The following ELFN2 variants were observed in gnomAD, a reference collection of about 807,000 sequenced individuals.
ELFN2 encodes the protein extracellular leucine rich repeat and fibronectin type III domain containing 2, also known as protein phosphatase 1 regulatory subunit 29.
A neutral mutation model predicts 45.5 loss-of-function variants in ELFN2; 17 were observed. The ratio of observed to expected loss-of-function variants is 0.37; its 90% CI spans 0.26 to 0.56. The LOEUF (loss-of-function observed/expected upper bound fraction) is 0.56, where lower values mean the gene tolerates loss of function less well. Ranked by LOEUF, ELFN2 falls within the 20% of genes least tolerant of loss-of-function variation. The pLI, the probability that ELFN2 is intolerant of heterozygous loss-of-function variation, is 0.77. For missense variants in ELFN2, 922 were observed against 1,183.2 expected, an observed-to-expected ratio of 0.78 and a Z score of 3.24; for synonymous variants, 550 against 551.5, an observed-to-expected ratio of 1.00 and a Z score of 0.04.
chr22:37,391,809 G>T (rs1932093338), intron 2 of ELFN2, among the ~76,000 whole-genome samples: 1 of 152,192 alleles, frequency 6.6e-6, no homozygotes, highest in Non-Finnish European at 1.5e-5. Flanking sequence ...CCAGCCCCAG[G>T]CCTGGCAAAT....
In ELFN2 at chr22:37,422,657, A is replaced by G. The variant is rs914741020; in HGVS notation, c.-614+4641T>C. ...CACCCAGGCTGGAGTGCAGTAGCACAATCTCGGCTCACTGCAACCTGGGCC... is the reference window on the plus strand; with the variant it reads ...CACCCAGGCTGGAGTGCAGTAGCACGATCTCGGCTCACTGCAACCTGGGCC... On this transcript the variant is annotated intron_variant, in intron 1 of 2. Coordinates refer to ENST00000402918, the MANE Select transcript of ELFN2 (RefSeq NM_052906.5). Among the ~76,000 whole-genome samples, 4 of 152,204 alleles carry G rather than the reference A, an allele frequency of 2.6e-5. No individual in the cohort carries two copies. The East Asian group carries it at 7.7e-4, about 29-fold the overall frequency.
At chr22:37,341,267 G>T (rs1357168556) in intron 2 of ELFN2, among the ~76,000 whole-genome samples, 1 of 152,156 alleles carries the variant, frequency 6.6e-6, no homozygotes, top group East Asian at 1.9e-4. Context: ...GAGCTGAAGG[G>T]GTTCAGTCCC....
chr22:37,367,625 G>A (rs1183738504), downstream of ELFN2, among the ~76,000 whole-genome samples: 5 of 152,226 alleles, frequency 3.3e-5, no homozygotes, highest in Non-Finnish European at 7.3e-5. Context: ...CTGAATCCCG[G>A]GTGTGGGAGG....
rs1345702315 is a variant in ELFN2 at position 37,423,812 on chromosome 22, C to T, written c.-614+3486G>A. ...GTCCTCAGGGCTTCTCTGGGGCTTT[C>T]CTGGGGACTGTCGGCAGAGCTAGGG... is the stretch of plus-strand genomic sequence containing the variant. On this transcript the variant is annotated intron_variant, in intron 1 of 2. Coordinates refer to ENST00000402918, the MANE Select transcript of ELFN2 (RefSeq NM_052906.5). 8.5e-5 allele frequency among the ~76,000 whole-genome samples: 13 copies of T among 152,218 alleles called. No individual in the cohort carries two copies. The South Asian group carries it at 1.2e-3, about 15-fold the overall frequency.
At chr22:37,341,116 C>T (rs1358131858) in intron 2 of ELFN2, 1 of 152,474 alleles carries the variant, frequency 6.6e-6, no homozygotes, top group Non-Finnish European at 1.5e-5. Flanking sequence ...GGGGCACCCA[C>T]CGACCTCACC....
chr22:37,425,592 T>C (rs1022732621), intron 1 of ELFN2, among the ~76,000 whole-genome samples: 1 of 152,012 alleles, frequency 6.6e-6, no homozygotes, highest in Non-Finnish European at 1.5e-5. Context: ...CTGGAGCTTA[T>C]GTCACACCTG....
Position 37,375,546 on chromosome 22 carries a change from C to T in ELFN2, c.-12G>A, listed in dbSNP as rs752854913. 30 of 1,534,122 alleles carry T rather than the reference C, an allele frequency of 2.0e-5. No individual in the cohort carries two copies. The highest frequency in any genetic ancestry group is 9.6e-5 in the African/African-American group (7 of 72,660). On this transcript the variant is annotated 5_prime_UTR_variant, in exon 3 of 3. Coordinates refer to ENST00000402918, the MANE Select transcript of ELFN2 (RefSeq NM_052906.5). ...CCCAGGCGCAGCATGGCGCTGGCCT[C>T]GGAGTGAGGGGCCAGGGCAAGGCAG...
chr22:37,360,883 C>T (rs944243964), intron 1 of ELFN2, among the ~76,000 whole-genome samples: 4 of 152,200 alleles, frequency 2.6e-5, no homozygotes, highest in Non-Finnish European at 5.9e-5. Context: ...GCCCAGAAGC[C>T]TCACTGCAGT....
intron 2 of ELFN2, among the ~76,000 whole-genome samples, chr22:37,393,937 A>G (rs1031507161): frequency 1.3e-5 from 2 of 152,170 alleles, no homozygotes; most frequent in East Asian, 1.9e-4. Flanking sequence ...GCTAAGGAGC[A>G]CTGCAAATGA....
chr22:37,381,758 C>T (rs1931777750), intron 2 of ELFN2, among the ~76,000 whole-genome samples: 1 of 151,956 alleles, frequency 6.6e-6, no homozygotes, highest in South Asian at 2.1e-4. Flanking sequence ...AGCGGGTTCT[C>T]AGGACATGCT....
Position 37,373,176 on chromosome 22 carries a change from C to T in ELFN2, c.2359G>A (p.Ala787Thr). The T allele has an allele frequency of 6.2e-7, 1 of 1,613,816 alleles. No individual in the cohort carries two copies. Among genetic ancestry groups the T allele is most frequent in the Middle Eastern group, 1.6e-4 (1 of 6,062 alleles). Residue 787 changes from alanine (A) to threonine (T), a missense_variant, in exon 3 of 3, where the codon GCC (alanine) becomes ACC (threonine). Coordinates refer to ENST00000402918, the MANE Select transcript of ELFN2 (RefSeq NM_052906.5). ...TTCTTGCGCAGGGCGTGACCGGCGG[C>T]CATGTACACCTCCTCCCGGTGGTGC... ...KKHHREEVYM[A>T]AGHALRKKVQ...
chr22:37,425,569 C>T (rs749944985), intron 1 of ELFN2, among the ~76,000 whole-genome samples: 17 of 144,052 alleles, frequency 1.2e-4, no homozygotes, highest in African/African-American at 3.9e-4. Flanking sequence ...GTCCCAGTGA[C>T]GTCACCTGCG....
At chr22:37,404,105 T>C (rs763082980) in intron 2 of ELFN2, among the ~76,000 whole-genome samples, 2 of 152,120 alleles carry the variant, frequency 1.3e-5, no homozygotes, top group Non-Finnish European at 2.9e-5. Context: ...GAGATCAAGA[T>C]AAATGGAACA....
At chr22:37,405,089 C>CTTTTTTTTTTTTTTTTTTTTTTTTTTTTT (rs1491573989) in intron 2 of ELFN2, among the ~76,000 whole-genome samples, 1 of 121,534 alleles carries the variant, frequency 8.2e-6, no homozygotes, top group Non-Finnish European at 1.6e-5. Context: ...TGAACCTCAG[C>CTTTTTTTTTTTTTTTTTTTTTTTTTTTTT]ATTTTTTTTT....
chr22:37,355,286 C>T (rs1930921329), intron 1 of ELFN2, among the ~76,000 whole-genome samples: 1 of 152,222 alleles, frequency 6.6e-6, no homozygotes, highest in Admixed American at 6.5e-5. Flanking sequence ...TGGCCGTTTG[C>T]CTGTTCTGCT....
intron 2 of ELFN2, among the ~76,000 whole-genome samples, chr22:37,390,554 T>A (rs906155871): frequency 1.3e-5 from 2 of 151,920 alleles, no homozygotes; most frequent in African/African-American, 4.8e-5. Context: ...CCCATGGGGG[T>A]GAGCTCTGAT....
intron 2 of ELFN2, among the ~76,000 whole-genome samples, chr22:37,377,929 CCCCTCCCA>C (rs539019139): frequency 1.2e-3 from 180 of 152,364 alleles, no homozygotes; most frequent in African/African-American, 3.7e-3. Flanking sequence ...GCCTCAGTTT[CCCCTCCCA>C]CAGGTAGCAA....
At chr22:37,392,737 T>C (rs1932116055) in intron 2 of ELFN2, among the ~76,000 whole-genome samples, 2 of 152,226 alleles carry the variant, frequency 1.3e-5, no homozygotes, top group Admixed American at 6.5e-5. Flanking sequence ...CGCCACTGTA[T>C]ATTTGCCCCC....
intron 2 of ELFN2, among the ~76,000 whole-genome samples, chr22:37,379,532 A>G (rs1931688671): frequency 6.6e-6 from 1 of 152,134 alleles, no homozygotes; most frequent in African/African-American, 2.4e-5. Flanking sequence ...CCCCACCACC[A>G]GCTCTCTTTA....
Sources: gnomAD v4.1 joint callset for allele counts (sites outside exome capture counted in the v4.1 genomes callset) on GRCh38, gnomAD v4.1.1 for gene constraint, MANE v1.5 for transcripts, NCBI Gene and HGNC (gene_info 2026-07-23, HGNC 2026-07-21) for gene names.